Variants in PMM1 observed in about 807,000 individuals in gnomAD.
PMM1 encodes the protein brain glucose-1,6-bisphosphatase.
Under a neutral mutation model 34.0 loss-of-function variants are expected in PMM1, and 25 were observed. That is an observed-to-expected ratio of 0.73 (90% confidence interval 0.54 to 1.03). PMM1 has a LOEUF of 1.03. Ranked by LOEUF, PMM1 falls within the 50% of genes least tolerant of loss-of-function variation. PMM1 has a pLI of 0.00. For missense variants in PMM1, 321 were observed against 350.1 expected, an observed-to-expected ratio of 0.92 and a Z score of 0.66; for synonymous variants, 134 against 143.9, an observed-to-expected ratio of 0.93 and a Z score of 0.49.
chr22:41,576,974 GGGCA>G lies in PMM1; in HGVS notation c.*340_*343del, dbSNP rs1190154646. On this transcript the variant is annotated 3_prime_UTR_variant, in exon 8 of 8. Transcript: ENST00000216259. ...CTTCCCCACCGTACCTCATCGCCCA[GGGCA>G]GGCAGGCAGGGCAGGCTAGATCTCG... 2.6e-5 allele frequency: 10 copies of G among 385,716 alleles called. No homozygotes were observed. The highest frequency in any genetic ancestry group is 2.1e-4 in the African/African-American group (10 of 48,502). The allele number at this position is 385,716 out of a possible 1,614,324, so 23.9% of individuals were successfully genotyped here.
At chr22:41,586,303 C>G in intron 1 of PMM1, 110 bp from the exon 2 acceptor site, 1 of 1,564,728 alleles carries the variant, frequency 6.4e-7, no homozygotes, top group Non-Finnish European at 8.6e-7. Flanking sequence ...CTACCTGGAT[C>G]TGAAGCAGTA....
At chr22:41,578,677 CCT>C in intron 6 of PMM1, 127 bp downstream of exon 6, 1 of 699,686 alleles carries the variant, frequency 1.4e-6, no homozygotes, top group East Asian at 2.7e-5. Context: ...GCTCAGCCAC[CCT>C]CTCTGCCCTG....
rs1037398442 is a variant in PMM1 at position 41,589,777 on chromosome 22, C to T, written c.29G>A (p.Arg10Lys). 9 of 1,610,102 alleles carry T rather than the reference C, an allele frequency of 5.6e-6. No homozygotes were observed. The African/African-American group carries it at 1.1e-4, about 19-fold the overall frequency. ...AAACAGGCAGAGGACGCGCTCCTTC[C>T]TGCGGGCTGCCTGGGCGGTGACTGC... MAVTAQAAR[R>K]KERVLCLFDV... The change falls in exon 1 of 8, where the codon AGG becomes AAG. Residue 10 changes from arginine (R) to lysine (K), a missense_variant. Transcript: ENST00000216259.
chr22:41,579,272 G>A (rs1377567033), intron 5 of PMM1: 2 of 215,394 alleles, frequency 9.3e-6, no homozygotes, highest in Non-Finnish European at 1.9e-5. Flanking sequence ...AAATGAGCAT[G>A]GGAGCTGAGA....
At chr22:41,584,687 C>T in intron 2 of PMM1, 84 bp from the exon 3 acceptor site, 1 of 974,548 alleles carries the variant, frequency 1.0e-6, no homozygotes, top group Non-Finnish European at 1.6e-6. Flanking sequence ...AGAGAGGAAG[C>T]CTACACCCTT....
intron 1 of PMM1, chr22:41,588,849 C>T (rs2067344517): frequency 2.0e-6 from 2 of 985,434 alleles, no homozygotes; most frequent in African/African-American, 3.5e-5. Context: ...CGCTAGGAGA[C>T]CTGTTGGTTG....
rs923879561 is a variant in PMM1 at position 41,584,125 on chromosome 22, C to A, written c.375-67G>T. ...GGCCCTGAATTCAAATCTAGCCCCA[C>A]CTGGGACCCCAGCCTCCTAGGACTT... is the stretch of plus-strand genomic sequence containing the variant. On this transcript the variant is annotated intron_variant, in intron 4 of 7. Transcript: ENST00000216259. 4 of 1,384,980 alleles carry A rather than the reference C, an allele frequency of 2.9e-6. No homozygotes were observed. In the African/African-American group the frequency reaches 4.3e-5, roughly 15 times the overall value. 85.8% of individuals were successfully genotyped at this position (1,384,980 alleles called of 1,614,324 possible). A position where few individuals can be genotyped will look rare whatever the true frequency, so the allele number is the denominator to read the frequency against.
At chr22:41,579,008 G>C (rs113000246) in intron 5 of PMM1, 127 bp from the exon 6 acceptor site, 2 of 723,048 alleles carry the variant, frequency 2.8e-6, no homozygotes, top group Non-Finnish European at 4.8e-6. Flanking sequence ...GTGCAGATGC[G>C]CAAACTAAGG....
At chr22:41,589,212 A>T (rs773870850) in intron 1 of PMM1, 11 of 918,862 alleles carry the variant, frequency 1.2e-5, no homozygotes, top group Non-Finnish European at 1.7e-5. Flanking sequence ...AACTAGACCC[A>T]GTCCCAGGCC....
chr22:41,578,744 G>T, intron 6 of PMM1, 62 bp downstream of exon 6: 1 of 1,391,326 alleles, frequency 7.2e-7, no homozygotes, highest in Non-Finnish European at 1.0e-6. Context: ...CTTGGCAGGG[G>T]CAGATGGTTT....
chr22:41,586,401 T>C, intron 1 of PMM1: 1 of 810,682 alleles, frequency 1.2e-6, no homozygotes, highest in Non-Finnish European at 1.8e-6. Context: ...GGCAGAAAGA[T>C]CACTTGACCC....
At chr22:41,589,105 A>C in intron 1 of PMM1, 2 of 1,304,148 alleles carry the variant, frequency 1.5e-6, no homozygotes, top group Non-Finnish European at 2.0e-6. Flanking sequence ...GGAGCCTCTC[A>C]CATCCGGGTG....
Position 41,584,589 on chromosome 22 carries a change from CA to C in PMM1, c.219del (p.Phe73LeufsTer36), listed in dbSNP as rs1569056391. On this transcript the variant is annotated frameshift_variant, in exon 3 of 8. Transcript: ENST00000216259. LOFTEE classifies it high-confidence loss of function. ...LGDGDEVIEK[F>X]DYVFAENGTV... ...GTCCCGTTCTCGGCAAACACATAATCAAACTTCTCAATGACTTCAGGGTCAC... is the reference window on the plus strand; with the variant it reads ...GTCCCGTTCTCGGCAAACACATAATCAACTTCTCAATGACTTCAGGGTCAC... 2 of 1,613,664 alleles carry C rather than the reference CA, an allele frequency of 1.2e-6. No homozygotes were observed. Among genetic ancestry groups the C allele is most frequent in the Non-Finnish European group, 1.7e-6 (2 of 1,179,776 alleles).
intron 2 of PMM1, among the ~76,000 whole-genome samples, chr22:41,585,831 C>A (rs533169783): frequency 6.6e-6 from 1 of 152,240 alleles, no homozygotes; most frequent in Admixed American, 6.5e-5. Context: ...CAAGACTCAG[C>A]AGGGAGAAAT....
intron 6 of PMM1, 128 bp downstream of exon 6, chr22:41,578,678 C>A: frequency 1.4e-6 from 1 of 707,472 alleles, no homozygotes; most frequent in Non-Finnish European, 2.5e-6. Context: ...CTCAGCCACC[C>A]TCTCTGCCCT....
rs2067352390 is a variant in PMM1, at chr22:41,589,320, A to AG, written c.87+398dup. The AG allele has an allele frequency of 6.9e-6, 3 of 433,238 alleles. No individual in the cohort carries two copies. The East Asian group carries it at 1.8e-4, about 27-fold the overall frequency. 26.8% of individuals were successfully genotyped at this position (433,238 alleles called of 1,614,324 possible). A position where few individuals can be genotyped will look rare whatever the true frequency, so the allele number is the denominator to read the frequency against. On this transcript the variant is annotated intron_variant, in intron 1 of 7. Coordinates refer to ENST00000216259, the MANE Select transcript of PMM1 (RefSeq NM_002676.3). ...GCTTGTGTGCCTGGAACCCCGGTTCAGAAGCCAGCTCCGACCACTGGTGTG... is the reference window on the plus strand; with the variant it reads ...GCTTGTGTGCCTGGAACCCCGGTTCAGGAAGCCAGCTCCGACCACTGGTGTG...
rs745478824 is a variant in PMM1 at position 41,589,836 on chromosome 22, C to G, written c.-31G>C. The G allele has an allele frequency of 4.5e-6, 7 of 1,561,200 alleles. No individual in the cohort carries two copies. Among genetic ancestry groups the G allele is most frequent in the South Asian group, 2.3e-5 (2 of 86,764 alleles). ...CAGGTCCGCGCGCGGGGCGGAGTCC[C>G]GAAGATGCAACGGCAGAAGCAGCTC... On this transcript the variant is annotated 5_prime_UTR_variant, in exon 1 of 8. Transcript: ENST00000216259.
intron 6 of PMM1, 104 bp downstream of exon 6, chr22:41,578,702 G>A: frequency 1.1e-6 from 1 of 885,078 alleles, no homozygotes; most frequent in Non-Finnish European, 1.8e-6. Context: ...CCGGGGAGGG[G>A]CTACTAAAGC....
intron 2 of PMM1, 52 bp downstream of exon 2, chr22:41,586,024 C>G: frequency 7.3e-7 from 1 of 1,364,466 alleles, no homozygotes; most frequent in African/African-American, 1.5e-5. Flanking sequence ...TTTGAAGACG[C>G]CCAGGAATCT....
Sources: gnomAD v4.1 joint callset for allele counts (sites outside exome capture counted in the v4.1 genomes callset) on GRCh38, gnomAD v4.1.1 for gene constraint, MANE v1.5 for transcripts, NCBI Gene and HGNC (gene_info 2026-07-23, HGNC 2026-07-21) for gene names.